Variants in RAB27A observed in about 807,000 individuals in gnomAD.
RAB27A encodes RAB27A, member RAS oncogene family.
Under a neutral mutation model 20.8 loss-of-function variants are expected in RAB27A, and 17 were observed. The observed-to-expected ratio is 0.82, with a 90% CI of 0.56 to 1.23. RAB27A has a LOEUF of 1.23. Ranked by LOEUF, RAB27A falls within the 50% of genes most tolerant of loss-of-function variation. The pLI is 0.00. For synonymous variants in RAB27A, 85 were observed against 92.8 expected, an observed-to-expected ratio of 0.92 and a Z score of 0.48; for missense variants, 277 against 266.7, an observed-to-expected ratio of 1.04 and a Z score of -0.27.
At chr15:55,218,561 T>C (rs1421782196) in intron 6 of RAB27A, among the ~76,000 whole-genome samples, 2 of 152,218 alleles carry the variant, frequency 1.3e-5, no homozygotes, top group African/African-American at 4.8e-5. Flanking sequence ...TGATCCATAC[T>C]GATATTATTA....
chr15:55,240,191 T>C (rs537175940), intron 2 of RAB27A, among the ~76,000 whole-genome samples: 3 of 152,266 alleles, frequency 2.0e-5, no homozygotes, highest in South Asian at 2.1e-4. Context: ...AATACAGAAA[T>C]CTAATAACGT....
intron 2 of RAB27A, among the ~76,000 whole-genome samples, chr15:55,262,036 C>CAAAAAAAAAAAAA: frequency 1.2e-5 from 1 of 84,098 alleles, no homozygotes. Flanking sequence ...GACTCCATCC[C>CAAAAAAAAAAAAA]AAAAAAAAAA....
chr15:55,233,298 TATTA>T (rs1896118544), intron 3 of RAB27A, among the ~76,000 whole-genome samples: 1 of 152,132 alleles, frequency 6.6e-6, no homozygotes, highest in Non-Finnish European at 1.5e-5. Flanking sequence ...ATTAAGTTGC[TATTA>T]ATCAAAATTA....
upstream of RAB27A, chr15:55,290,470 G>T (rs995952821): frequency 3.3e-5 from 5 of 152,278 alleles, no homozygotes; most frequent in African/African-American, 1.2e-4. Flanking sequence ...GGGAGGAAAT[G>T]GCAAACGGAG....
chr15:55,315,608 C>G (rs563726424), intron 1 of RAB27A, among the ~76,000 whole-genome samples: 1 of 152,274 alleles, frequency 6.6e-6, no homozygotes, highest in Non-Finnish European at 1.5e-5. Context: ...TGAACAGACA[C>G]TTCTCAAAAG....
chr15:55,205,788 T>C, intron 6 of RAB27A, 83 bp from the exon 7 acceptor site: 1 of 1,221,492 alleles, frequency 8.2e-7, no homozygotes, highest in Non-Finnish European at 1.2e-6. Context: ...AATTAGAGAA[T>C]CGATAGAATA....
At chr15:55,215,381 G>A (rs1234983380) in intron 6 of RAB27A, among the ~76,000 whole-genome samples, 4 of 152,158 alleles carry the variant, frequency 2.6e-5, no homozygotes, top group Non-Finnish European at 4.4e-5. Flanking sequence ...GGCCGGGCGC[G>A]GTGGCTCACG....
intron 2 of RAB27A, chr15:55,269,691 A>AGATT (rs1897641613): frequency 6.6e-6 from 1 of 152,260 alleles, no homozygotes; most frequent in South Asian, 2.1e-4. Flanking sequence ...CAGTGACCCG[A>AGATT]GATTGTACCA....
intron 5 of RAB27A, among the ~76,000 whole-genome samples, chr15:55,224,881 C>G (rs1315440875): frequency 6.6e-6 from 1 of 152,176 alleles, no homozygotes; most frequent in East Asian, 1.9e-4. Context: ...TTTAGTTCCT[C>G]ATTATGAAGT....
At chr15:55,238,689 C>T (rs59474172) in intron 2 of RAB27A, among the ~76,000 whole-genome samples, 1,588 of 141,456 alleles carry the variant, frequency 0.011, 36 homozygotes, top group African/African-American at 0.049. Context: ...CAGCTTAAAA[C>T]ATGTCTTTCT....
intron 1 of RAB27A, chr15:55,317,482 T>G: frequency 9.9e-6 from 3 of 302,864 alleles, no homozygotes; most frequent in Non-Finnish European, 1.2e-5. Context: ...GCCTGGCTGA[T>G]TTTTGTATTT....
intron 2 of RAB27A, among the ~76,000 whole-genome samples, chr15:55,249,193 T>C (rs1263250791): frequency 1.3e-5 from 2 of 152,214 alleles, no homozygotes; most frequent in African/African-American, 4.8e-5. Context: ...TTTGCTATTA[T>C]TGTTGTCCAT....
chr15:55,214,744 T>C (rs1895201331), intron 6 of RAB27A, among the ~76,000 whole-genome samples: 2 of 152,186 alleles, frequency 1.3e-5, no homozygotes, highest in South Asian at 2.1e-4. Context: ...ACTAGTCACA[T>C]GTAATATTTG....
intron 2 of RAB27A, among the ~76,000 whole-genome samples, chr15:55,299,826 CTT>C (rs1189966751): frequency 3.5e-5 from 5 of 142,458 alleles, no homozygotes. Flanking sequence ...CTTTTTTTTT[CTT>C]TTTTTTTTTT....
chr15:55,205,427 C>A lies in RAB27A; in HGVS notation c.*80G>T. 7.1e-7 allele frequency: 1 copy of A among 1,417,664 alleles called. No individual in the cohort carries two copies. 87.8% of individuals were successfully genotyped at this position (1,417,664 alleles called of 1,614,324 possible). On this transcript the variant is annotated 3_prime_UTR_variant, in exon 7 of 7. Coordinates refer to ENST00000336787, the MANE Select transcript of RAB27A (RefSeq NM_183235.3). ...CAATTTGTACACAATGCCCATTAAT[C>A]TCTCACTGTGCCATGTATCAATCAT...
intron 2 of RAB27A, among the ~76,000 whole-genome samples, chr15:55,269,004 G>A (rs1034673126): frequency 6.6e-6 from 1 of 152,188 alleles, no homozygotes; most frequent in Non-Finnish European, 1.5e-5. Flanking sequence ...AGGATGGCAT[G>A]AAGAGACATA....
chr15:55,205,890 T>G (rs1894625612), intron 6 of RAB27A, among the ~76,000 whole-genome samples, 185 bp from the exon 7 acceptor site: 3 of 152,132 alleles, frequency 2.0e-5, no homozygotes, highest in African/African-American at 2.4e-5. Context: ...TTCCAGTAGA[T>G]ATGCAAAACT....
intron 2 of RAB27A, among the ~76,000 whole-genome samples, chr15:55,305,339 G>A (rs1039086289): frequency 6.6e-6 from 1 of 152,214 alleles, no homozygotes; most frequent in South Asian, 2.1e-4. Flanking sequence ...TGACTTTGAT[G>A]TCATTAACAT....
chr15:55,302,848 G>A (rs1413936126), intron 2 of RAB27A, among the ~76,000 whole-genome samples: 22 of 139,228 alleles, frequency 1.6e-4, no homozygotes, highest in African/African-American at 4.4e-4. Context: ...CAACCACCCC[G>A]TCTGAGAAGT....
Sources: allele counts gnomAD v4.1 joint callset (sites outside exome capture counted in the v4.1 genomes callset), GRCh38; gene constraint gnomAD v4.1.1; transcripts MANE v1.5; gene names NCBI Gene and HGNC (gene_info 2026-07-23, HGNC 2026-07-21).